Variants in ROBO2 observed in about 807,000 individuals in gnomAD.
ROBO2 encodes the protein roundabout guidance receptor 2.
In ROBO2, 53 loss-of-function variants were observed where a neutral mutation model predicts 160.8. That is an observed-to-expected ratio of 0.33 (90% confidence interval 0.26 to 0.41). The LOEUF (loss-of-function observed/expected upper bound fraction) is 0.41, where lower values mean the gene tolerates loss of function less well. Among genes scored for constraint, ROBO2 ranks in the 10% least tolerant of loss-of-function variants. The probability of loss-of-function intolerance (pLI) is 1.00; values close to 1 mark genes in which losing one functional copy is unlikely to be tolerated. For missense variants in ROBO2, 1,577 were observed against 1,722.4 expected, an observed-to-expected ratio of 0.92 and a Z score of 1.49; for synonymous variants, 664 against 611.7, an observed-to-expected ratio of 1.09 and a Z score of -1.26.
In ROBO2 at chr3:76,687,216, G is replaced by A. The variant is rs1003591968; in HGVS notation, c.110-410798G>A. ...CATAGCACAGAGGTCAATAATACAG[G>A]CTCTGAATCCAGGCTACCTGGGGTC... On this transcript the variant is annotated intron_variant, in intron 2 of 26. Transcript: ENST00000487694. 4.6e-5 allele frequency among the ~76,000 whole-genome samples: 7 copies of A among 152,122 alleles called. No homozygotes were observed. In the East Asian group the frequency reaches 1.2e-3, roughly 25 times the overall value.
chr3:77,099,506 G>A (rs1381407836), intron 2 of ROBO2, among the ~76,000 whole-genome samples: 2 of 152,050 alleles, frequency 1.3e-5, no homozygotes, highest in Non-Finnish European at 2.9e-5. Flanking sequence ...TGAGCAGTAG[G>A]ACTTTAGTTA....
intron 2 of ROBO2, among the ~76,000 whole-genome samples, chr3:76,735,680 T>C (rs1437307592): frequency 7.0e-6 from 1 of 143,440 alleles, no homozygotes; most frequent in East Asian, 2.1e-4. Context: ...GGGGATGGCC[T>C]GAGTCCAGGA....
At chr3:77,408,493 T>G (rs1313144917) in intron 2 of ROBO2, among the ~76,000 whole-genome samples, 2 of 152,146 alleles carry the variant, frequency 1.3e-5, no homozygotes, top group East Asian at 3.9e-4. Flanking sequence ...CCTCACATAT[T>G]AATTAAAAAG....
intron 2 of ROBO2, among the ~76,000 whole-genome samples, chr3:76,549,939 G>A (rs1291911979): frequency 6.6e-6 from 1 of 152,050 alleles, no homozygotes; most frequent in Non-Finnish European, 1.5e-5. Flanking sequence ...GCCCTTTCTT[G>A]TTTCTCCCTT....
intron 2 of ROBO2, among the ~76,000 whole-genome samples, chr3:76,285,760 C>A (rs1708476048): frequency 6.6e-6 from 1 of 152,080 alleles, no homozygotes. Context: ...TCGAATTTAA[C>A]CTTTCTCCAA....
At position 76,554,266 on chromosome 3, in the gene ROBO2, A is replaced by G. The variant is rs566904619; in HGVS notation, c.110-543748A>G. ...ACAGAACAGCCTTTTCTTAAGAAAA[A>G]TAAATTATATACACATATCACAGCA... On this transcript the variant is annotated intron_variant, in intron 2 of 26. Coordinates refer to the ROBO2 transcript ENST00000487694. Among the ~76,000 whole-genome samples, 36 of 152,316 alleles carry G rather than the reference A, an allele frequency of 2.4e-4. 1 individual carries two copies. In the South Asian group the frequency reaches 7.2e-3, roughly 31 times the overall value.
At chr3:77,275,692 G>A (rs1281083714) in intron 2 of ROBO2, among the ~76,000 whole-genome samples, 1 of 151,996 alleles carries the variant, frequency 6.6e-6, no homozygotes, top group Non-Finnish European at 1.5e-5. Context: ...TATCCAAATT[G>A]TGTTTTTTAA....
chr3:75,984,578 G>T (rs1416689880), intron 2 of ROBO2, among the ~76,000 whole-genome samples: 1 of 151,392 alleles, frequency 6.6e-6, no homozygotes, highest in Non-Finnish European at 1.5e-5. Context: ...TAACTGGAAT[G>T]AACACAAATA....
intron 2 of ROBO2, among the ~76,000 whole-genome samples, chr3:76,753,841 G>T (rs1219770989): frequency 6.6e-6 from 1 of 151,814 alleles, no homozygotes; most frequent in African/African-American, 2.4e-5. Context: ...ATAGTTTCAG[G>T]ACTGGCTCTC....
intron 19 of ROBO2, among the ~76,000 whole-genome samples, chr3:77,599,524 C>T (rs2094388356): frequency 6.6e-6 from 1 of 150,682 alleles, no homozygotes; most frequent in Non-Finnish European, 1.5e-5. Flanking sequence ...GGAGGGATAG[C>T]ATTAGGAGAT....
intron 2 of ROBO2, among the ~76,000 whole-genome samples, chr3:76,601,925 G>C (rs1034255006): frequency 1.2e-4 from 19 of 152,156 alleles, no homozygotes; most frequent in Non-Finnish European, 2.2e-4. Context: ...GCCTTTAACA[G>C]CACCCAAGTC....
chr3:76,164,243 G>T (rs956843955), intron 2 of ROBO2, among the ~76,000 whole-genome samples: 2 of 152,054 alleles, frequency 1.3e-5, no homozygotes, highest in African/African-American at 4.8e-5. Flanking sequence ...AGTTTTCTTG[G>T]TATTTCTGCT....
At chr3:75,911,077 C>A (rs1946559696) in intron 1 of ROBO2, among the ~76,000 whole-genome samples, 1 of 151,380 alleles carries the variant, frequency 6.6e-6, no homozygotes. Context: ...TTTTAAAATT[C>A]TAAATGGAGC....
chr3:76,826,782 C>T (rs948551253), intron 2 of ROBO2, among the ~76,000 whole-genome samples: 1 of 152,172 alleles, frequency 6.6e-6, no homozygotes, highest in Non-Finnish European at 1.5e-5. Context: ...CTGACATACT[C>T]ATACCCTAAA....
At chr3:76,772,167 A>G (rs1467339871) in intron 2 of ROBO2, among the ~76,000 whole-genome samples, 1 of 151,252 alleles carries the variant, frequency 6.6e-6, no homozygotes, top group Non-Finnish European at 1.5e-5. Flanking sequence ...GTCCTGGTCT[A>G]TGGTTTTAGA....
intron 2 of ROBO2, among the ~76,000 whole-genome samples, chr3:76,816,292 G>A (rs769818802): frequency 9.2e-5 from 14 of 152,002 alleles, no homozygotes; most frequent in Non-Finnish European, 1.3e-4. Context: ...ATGAAGTAAC[G>A]TATTTATAAA....
intron 2 of ROBO2, among the ~76,000 whole-genome samples, chr3:77,312,181 G>A (rs1468134481): frequency 6.6e-6 from 1 of 152,124 alleles, no homozygotes; most frequent in Non-Finnish European, 1.5e-5. Flanking sequence ...AATTCCAGAT[G>A]TTTTTCAGCT....
intron 2 of ROBO2, among the ~76,000 whole-genome samples, chr3:77,146,654 G>A (rs189478322): frequency 1.3e-5 from 2 of 150,624 alleles, no homozygotes; most frequent in Admixed American, 6.6e-5. Context: ...TGAAATTCAG[G>A]TATGCGTACA....
chr3:76,254,379 A>G (rs1706225984), intron 2 of ROBO2, among the ~76,000 whole-genome samples: 1 of 152,122 alleles, frequency 6.6e-6, no homozygotes, highest in Non-Finnish European at 1.5e-5. Context: ...TCTTGTTTAT[A>G]TGATCAACAC....
Sources: gnomAD v4.1 joint callset for allele counts (sites outside exome capture counted in the v4.1 genomes callset) on GRCh38, gnomAD v4.1.1 for gene constraint, MANE v1.5 for transcripts, NCBI Gene and HGNC (gene_info 2026-07-23, HGNC 2026-07-21) for gene names.